Variants in SLC23A2 observed in about 807,000 individuals in gnomAD.
SLC23A2 encodes Na(+)/L-ascorbic acid transporter 2.
SLC23A2 carries 36 observed loss-of-function variants against 73.3 expected under a neutral mutation model. The ratio of observed to expected loss-of-function variants is 0.49; its 90% CI spans 0.38 to 0.65. The LOEUF (loss-of-function observed/expected upper bound fraction) is 0.65. SLC23A2 is among the 30% of genes least tolerant of loss of function. SLC23A2 has a pLI of 0.00. For missense variants in SLC23A2, 507 were observed against 841.6 expected, an observed-to-expected ratio of 0.60 and a Z score of 4.92; for synonymous variants, 343 against 327.3, an observed-to-expected ratio of 1.05 and a Z score of -0.52.
At position 4,883,625 on chromosome 20, in the gene SLC23A2, G is replaced by A. The variant is rs757661348; in HGVS notation, c.824+17C>T. 3.8e-6 allele frequency: 6 copies of A among 1,590,514 alleles called. No homozygotes were observed. Among genetic ancestry groups the A allele is most frequent in the East Asian group, 2.3e-5 (1 of 44,418 alleles). On this transcript the variant is annotated intron_variant, in intron 9 of 16. Coordinates refer to ENST00000338244, the MANE Select transcript of SLC23A2 (RefSeq NM_005116.6). This position sits in a 1 kb window ranked among gnomAD's most constrained non-coding sequence, Gnocchi z 4.5. ...CTGCCCCGCAGTGGTGGGATGAGGGGAGATGTTTCCACTTACAGCATGGCA... is the reference window on the plus strand; with the variant it reads ...CTGCCCCGCAGTGGTGGGATGAGGGAAGATGTTTCCACTTACAGCATGGCA...
At chr20:4,910,823 T>C (rs187464400) in intron 4 of SLC23A2, among the ~76,000 whole-genome samples, 1 of 152,306 alleles carries the variant, frequency 6.6e-6, no homozygotes, top group East Asian at 1.9e-4. Flanking sequence ...AATATTAAGA[T>C]ACTCCATTTC....
intron 3 of SLC23A2, among the ~76,000 whole-genome samples, chr20:4,925,629 C>CG (rs943707547): frequency 1.3e-5 from 2 of 152,236 alleles, no homozygotes; most frequent in South Asian, 4.1e-4. Flanking sequence ...CTTCCTGCCC[C>CG]GGCACCCACC....
At chr20:4,922,751 G>C (rs1021983514) in intron 3 of SLC23A2, among the ~76,000 whole-genome samples, 1 of 151,858 alleles carries the variant, frequency 6.6e-6, no homozygotes, top group African/African-American at 2.4e-5. Context: ...AGAACTGCTT[G>C]AACCCGGGAG....
intron 1 of SLC23A2, among the ~76,000 whole-genome samples, chr20:4,993,410 G>GAAAAAAAAAAAAAAAA (rs3055956): frequency 8.2e-5 from 10 of 121,496 alleles, no homozygotes; most frequent in African/African-American, 1.2e-4. Context: ...GCCAAAATCC[G>GAAAAAAAAAAAAAAAA]AAAAAAAAAA....
At chr20:4,877,618 A>G (rs1178982244) in intron 9 of SLC23A2, among the ~76,000 whole-genome samples, 1 of 152,162 alleles carries the variant, frequency 6.6e-6, no homozygotes, top group Non-Finnish European at 1.5e-5. Flanking sequence ...ATTTTGCTTT[A>G]GATTTCTGAG....
chr20:4,873,451 C>CT (rs1930529073), intron 11 of SLC23A2, among the ~76,000 whole-genome samples: 1 of 152,188 alleles, frequency 6.6e-6, no homozygotes, highest in South Asian at 2.1e-4. Flanking sequence ...CCATTAGTGA[C>CT]TATCAACTTA....
chr20:4,914,643 C>T (rs932150845), intron 3 of SLC23A2, among the ~76,000 whole-genome samples: 1 of 152,060 alleles, frequency 6.6e-6, no homozygotes, highest in African/African-American at 2.4e-5. Context: ...TTGATCACTG[C>T]TGTAATTTAT....
chr20:4,865,217 C>T (rs1446783935), intron 13 of SLC23A2, among the ~76,000 whole-genome samples: 2 of 152,166 alleles, frequency 1.3e-5, no homozygotes, highest in African/African-American at 2.4e-5. Flanking sequence ...AAGTCTTCAA[C>T]GGTGGTGCAG....
At chr20:4,878,840 C>A (rs1930760116) in intron 9 of SLC23A2, among the ~76,000 whole-genome samples, 1 of 152,134 alleles carries the variant, frequency 6.6e-6, no homozygotes. Context: ...AATGTCTACC[C>A]CTGTCCCAGG....
chr20:4,954,647 C>T (rs2087254366), intron 2 of SLC23A2, among the ~76,000 whole-genome samples: 2 of 139,744 alleles, frequency 1.4e-5, no homozygotes, highest in South Asian at 2.2e-4. Context: ...GCAGTTGAGC[C>T]GAGATTGTGC....
chr20:4,987,004 C>A (rs912419785), intron 1 of SLC23A2, among the ~76,000 whole-genome samples: 2 of 152,122 alleles, frequency 1.3e-5, no homozygotes, highest in Non-Finnish European at 2.9e-5. Context: ...CTGGTGAAGT[C>A]TACTGTAGAT....
Position 4,995,845 on chromosome 20 carries a change from C to T in SLC23A2, c.-282+5561G>A, listed in dbSNP as rs115174411. ...CCACAGGGCTGCAGAGACTGATCAA[C>T]GTGAAAGAACACAGGAGTGCTGGGC... On this transcript the variant is annotated intron_variant, in intron 1 of 16. Transcript: ENST00000338244. Among the ~76,000 whole-genome samples the T allele has an allele frequency of 6.3e-3, 964 of 152,276 alleles. 11 individuals carry two copies. Among genetic ancestry groups the T allele is most frequent in the Non-Finnish European group, 0.01 (682 of 68,024 alleles).
chr20:4,986,689 C>CACACACAG lies in SLC23A2; in HGVS notation c.-282+14716_-282+14717insCTGTGTGT, dbSNP rs71197739. On this transcript the variant is annotated intron_variant, in intron 1 of 16. Coordinates refer to ENST00000338244, the MANE Select transcript of SLC23A2 (RefSeq NM_005116.6). ...ACACACACACACACACACACACACA[C>CACACACAG]AGAGATGAATATAAATAGAGAGAAG... Among the ~76,000 whole-genome samples the CACACACAG allele has an allele frequency of 3.6e-4, 47 of 129,952 alleles. No individual in the cohort carries two copies. The South Asian group carries it at 6.1e-3, about 17-fold the overall frequency. The allele number at this position is 129,952 out of a possible 152,430, so 85.3% of individuals were successfully genotyped here.
intron 4 of SLC23A2, among the ~76,000 whole-genome samples, chr20:4,907,322 G>A (rs1931991614): frequency 6.6e-6 from 1 of 151,920 alleles, no homozygotes; most frequent in African/African-American, 2.4e-5. Flanking sequence ...TTTCCACCTG[G>A]TCACTCAAGG....
chr20:4,928,507 C>G (rs931029371), intron 3 of SLC23A2, among the ~76,000 whole-genome samples: 2 of 152,074 alleles, frequency 1.3e-5, no homozygotes, highest in Non-Finnish European at 2.9e-5. Flanking sequence ...TCTTGGCATC[C>G]CTGACACCAA....
chr20:4,989,438 G>A (rs1458823289), intron 1 of SLC23A2, among the ~76,000 whole-genome samples: 1 of 152,026 alleles, frequency 6.6e-6, no homozygotes, highest in African/African-American at 2.4e-5. Flanking sequence ...ACCGAAGTCT[G>A]AACACAAAAT....
intron 1 of SLC23A2, among the ~76,000 whole-genome samples, chr20:4,984,527 TGGGCAACAGAGCAAGACTC>T (rs1227428021): frequency 6.7e-6 from 1 of 148,742 alleles, no homozygotes; most frequent in Non-Finnish European, 1.5e-5. Flanking sequence ...CACTCCAGCC[TGGGCAACAGAGCAAGACTC>T]TGTCTCAAAA....
intron 3 of SLC23A2, among the ~76,000 whole-genome samples, chr20:4,928,491 G>A (rs1021416228): frequency 6.6e-6 from 1 of 152,088 alleles, no homozygotes; most frequent in Admixed American, 6.6e-5. Flanking sequence ...TTCAGACTAA[G>A]GTTCATCTTG....
Position 4,908,051 on chromosome 20 carries a change from A to G in SLC23A2, c.207+4829T>C, listed in dbSNP as rs116040667. Among the ~76,000 whole-genome samples the G allele has an allele frequency of 2.7e-3, 411 of 152,350 alleles. 3 individuals are homozygous for G. The highest frequency in any genetic ancestry group is 8.9e-3 in the African/African-American group (372 of 41,588). The stretch of plus-strand genomic sequence containing the variant: ...TGAAAAAGCTCCGTGCTAAGAGGAA[A>G]AAAAAGATTAAAGAGAACTGATAGC... On this transcript the variant is annotated intron_variant, in intron 4 of 16. Transcript: ENST00000338244.
Sources: allele counts gnomAD v4.1 joint callset (sites outside exome capture counted in the v4.1 genomes callset), GRCh38; gene constraint gnomAD v4.1.1; non-coding constraint Gnocchi (gnomAD v3.1); transcripts MANE v1.5; gene names NCBI Gene and HGNC (gene_info 2026-07-23, HGNC 2026-07-21).